Variants in LY6G5B observed in about 807,000 individuals in gnomAD.
The protein encoded by LY6G5B is lymphocyte antigen 6 family member G5B, also known as lymphocyte antigen 6 complex locus protein G5b.
A neutral mutation model predicts 6.7 loss-of-function variants in LY6G5B; 6 were observed. That is an observed-to-expected ratio of 0.89 (90% confidence interval 0.49 to 1.76). The LOEUF (loss-of-function observed/expected upper bound fraction) is 1.76. Ranked by LOEUF, LY6G5B falls within the 40% of genes most tolerant of loss-of-function variation. The pLI is 0.01. For synonymous variants in LY6G5B, 98 were observed against 99.4 expected, an observed-to-expected ratio of 0.99 and a Z score of 0.09; for missense variants, 240 against 249.5, an observed-to-expected ratio of 0.96 and a Z score of 0.26.
chr6:31,670,764 G>A (rs1457940425), exon 1 of LY6G5B: 4 of 610,728 alleles, frequency 6.5e-6, no homozygotes, highest in African/African-American at 1.8e-5. Flanking sequence ...TGTCCCTCCT[G>A]CCAAGTAATA....
chr6:31,672,045 C>T (rs758566339), exon 3 of LY6G5B: 38 of 1,613,090 alleles, frequency 2.4e-5, no homozygotes, highest in Non-Finnish European at 3.1e-5. Context: ...ATGACAGGCC[C>T]CTGGCCCTGC....
intron 2 of LY6G5B, among the ~76,000 whole-genome samples, chr6:31,671,502 CCT>C (rs912460985): frequency 6.6e-6 from 1 of 151,970 alleles, no homozygotes; most frequent in African/African-American, 2.4e-5. Flanking sequence ...ATAGTGAGAC[CCT>C]GTCTCTACAA....
chr6:31,670,061 A>G, upstream of LY6G5B: 1 of 759,880 alleles, frequency 1.3e-6, no homozygotes, highest in Middle Eastern at 2.4e-4. Flanking sequence ...AGTAGAAGAA[A>G]AGGCCATGAG....
rs770250969 is a variant in LY6G5B at position 31,672,302 on chromosome 6, T to C, written c.*20T>C. Reference sequence around the variant, plus strand: ...TCCTGAATTCCACAGTGCAAATATCTTTCTGTAACACCCTCAGCATCCTGC... The same window carrying C: ...TCCTGAATTCCACAGTGCAAATATCCTTCTGTAACACCCTCAGCATCCTGC... On this transcript the variant is annotated 3_prime_UTR_variant, in exon 3 of 3. Coordinates refer to ENST00000375864, the Ensembl canonical transcript of LY6G5B. 3.7e-6 allele frequency: 6 copies of C among 1,600,144 alleles called. No individual in the cohort carries two copies. The South Asian group carries it at 6.7e-5, about 18-fold the overall frequency.
rs149149780 is a variant in LY6G5B, at chr6:31,670,229, C to T, written c.-722C>T. 8.4e-4 allele frequency: 326 copies of T among 387,858 alleles called. 5 individuals are homozygous for T. In the South Asian group the frequency reaches 9.2e-3, roughly 11 times the overall value. The allele number at this position is 387,858 out of a possible 1,614,324, so 24.0% of individuals were successfully genotyped here. A position where few individuals can be genotyped will look rare whatever the true frequency, so the allele number is the denominator to read the frequency against. Reference sequence around the variant, plus strand: ...TTTTAGTATGGAGCAGAACAGAATTCCTAGGACTGCGTGTGATGAAATGCA... The same window carrying T: ...TTTTAGTATGGAGCAGAACAGAATTTCTAGGACTGCGTGTGATGAAATGCA... On this transcript the variant is annotated 5_prime_UTR_variant, in exon 1 of 3. Transcript: ENST00000375864.
At position 31,670,769 on chromosome 6, in the gene LY6G5B, GTAA is replaced by G; in HGVS notation, c.-178_-176del. 7 of 630,018 alleles carry G rather than the reference GTAA, an allele frequency of 1.1e-5. No homozygotes were observed. In the South Asian group the frequency reaches 1.6e-4, roughly 15 times the overall value. The allele number at this position is 630,018 out of a possible 1,614,324, so 39.0% of individuals were successfully genotyped here. The stretch of plus-strand genomic sequence containing the variant: ...GAGGACATGCTGTCCCTCCTGCCAA[GTAA>G]TAACTTCCTTCCCAGCCAGGATCCT... On this transcript the variant is annotated 5_prime_UTR_variant, in exon 1 of 3. Coordinates refer to ENST00000375864, the Ensembl canonical transcript of LY6G5B.
chr6:31,672,238 T>C, exon 3 of LY6G5B: 5 of 1,613,164 alleles, frequency 3.1e-6, no homozygotes, highest in Non-Finnish European at 4.2e-6. Flanking sequence ...TTCAGGACTT[T>C]TGGTTCTTCC....
chr6:31,670,005 T>G, upstream of LY6G5B: 1 of 1,189,788 alleles, frequency 8.4e-7, no homozygotes, highest in Non-Finnish European at 1.2e-6. Context: ...GTATGGTTTT[T>G]AGTTTAAATT....
exon 1 of LY6G5B, chr6:31,670,882 G>A: frequency 6.6e-7 from 1 of 1,505,338 alleles, no homozygotes; most frequent in South Asian, 1.3e-5. Flanking sequence ...GGATTAAGGA[G>A]CATGGTCACA....
intron 2 of LY6G5B, among the ~76,000 whole-genome samples, 164 bp downstream of exon 2, chr6:31,671,448 G>C (rs920901476): frequency 6.6e-6 from 1 of 152,146 alleles, no homozygotes; most frequent in Non-Finnish European, 1.5e-5. Flanking sequence ...GGCTGAGGCA[G>C]GTGGATCACT....
At chr6:31,671,776 G>T in intron 2 of LY6G5B, 88 bp from the exon 3 acceptor site, 1 of 1,468,802 alleles carries the variant, frequency 6.8e-7, no homozygotes. Context: ...AATTAGGTCT[G>T]GGTGAAGGAT....
intron 1 of LY6G5B, 60 bp downstream of exon 1, chr6:31,671,068 G>A: frequency 6.2e-7 from 1 of 1,610,008 alleles, no homozygotes; most frequent in Non-Finnish European, 8.5e-7. Context: ...GAAGGGGGTG[G>A]AGCGTGGCCA....
At chr6:31,669,986 A>G (rs577207951), upstream of LY6G5B, 4 of 1,390,996 alleles carry the variant, frequency 2.9e-6, no homozygotes, top group South Asian at 4.9e-5. The surrounding 1 kb of genome is among the most constrained non-coding windows in gnomAD (Gnocchi z 4.8). Flanking sequence ...CCACCCTTTC[A>G]GGAACCCTGT....
chr6:31,670,958 T>A (rs1302801471), exon 1 of LY6G5B: 1 of 1,608,360 alleles, frequency 6.2e-7, no homozygotes, highest in African/African-American at 1.3e-5. Flanking sequence ...AAAATGAAGG[T>A]CCATATGCTT....
chr6:31,671,229 A>G (rs1802186735), exon 2 of LY6G5B: 1 of 1,613,912 alleles, frequency 6.2e-7, no homozygotes, highest in East Asian at 2.2e-5. Context: ...TTTCAGGCTC[A>G]GAGAAGTGTA....
intron 1 of LY6G5B, 61 bp downstream of exon 1, chr6:31,671,069 A>AGCGTG: frequency 6.2e-7 from 1 of 1,609,960 alleles, no homozygotes; most frequent in South Asian, 1.1e-5. Context: ...AAGGGGGTGG[A>AGCGTG]GCGTGGCCAT....
At chr6:31,671,282 A>G (rs1802193625) in exon 2 of LY6G5B, 2 of 1,613,172 alleles carry the variant, frequency 1.2e-6, no homozygotes, top group East Asian at 2.2e-5. Flanking sequence ...ACCATCTATT[A>G]TGGTAAATAA....
intron 2 of LY6G5B, 124 bp downstream of exon 2, chr6:31,671,408 G>GCT (rs1802207184): frequency 7.2e-7 from 1 of 1,392,932 alleles, no homozygotes; most frequent in Admixed American, 1.8e-5. Context: ...GAGTGCAATG[G>GCT]CTCATGCCTG....
chr6:31,672,611 A>T, exon 3 of LY6G5B: 1 of 293,078 alleles, frequency 3.4e-6, no homozygotes, highest in Admixed American at 4.8e-5. Context: ...CGCCTGGCTA[A>T]TTTTTTGTAT....
Sources: gnomAD v4.1 joint callset for allele counts (sites outside exome capture counted in the v4.1 genomes callset) on GRCh38, gnomAD v4.1.1 for gene constraint, Gnocchi (gnomAD v3.1) non-coding constraint, MANE v1.5 for transcripts, NCBI Gene and HGNC (gene_info 2026-07-23, HGNC 2026-07-21) for gene names.